The following COG1 variants were observed in gnomAD, a reference collection of about 807,000 sequenced individuals.
COG1 encodes component of oligomeric golgi complex 1.
COG1 carries 61 observed loss-of-function variants against 102.2 expected under a neutral mutation model. The ratio of observed to expected loss-of-function variants is 0.60; its 90% CI spans 0.49 to 0.74. The LOEUF (loss-of-function observed/expected upper bound fraction) is 0.74, where lower values mean the gene tolerates loss of function less well. COG1 is among the 30% of genes least tolerant of loss of function. The pLI is 0.00. For synonymous variants in COG1, 454 were observed against 493.6 expected (o/e 0.92, Z 1.06); for missense variants, 1,164 against 1,232.1 (o/e 0.94, Z 0.83).
chr17:73,197,107 TG>T (rs1175912390), intron 3 of COG1, 26 bp downstream of exon 3: 1 of 1,614,048 alleles, frequency 6.2e-7, no homozygotes, highest in Admixed American at 1.7e-5. Context: ...GGCCAACATT[TG>T]GTCCTTAAAT....
intron 7 of COG1, among the ~76,000 whole-genome samples, chr17:73,202,268 G>C (rs948735375): frequency 6.6e-6 from 1 of 152,194 alleles, no homozygotes; most frequent in Non-Finnish European, 1.5e-5. Context: ...GAACCCGGGA[G>C]GCAGAGCTTG....
In COG1 at chr17:73,201,038, C is replaced by A. The variant is rs185537858; in HGVS notation, c.1282-71C>A. The A allele has an allele frequency of 2.9e-6, 4 of 1,373,968 alleles. No homozygotes were observed. The Admixed American group carries it at 5.1e-5, about 17-fold the overall frequency. The allele number at this position is 1,373,968 out of a possible 1,614,324, so 85.1% of individuals were successfully genotyped here. A position where few individuals can be genotyped will look rare whatever the true frequency, so the allele number is the denominator to read the frequency against. On this transcript the variant is annotated intron_variant, in intron 6 of 13. Coordinates refer to ENST00000299886, the MANE Select transcript of COG1 (RefSeq NM_018714.3). ...CCTTCTGAATGCTAGGATAAATTAC[C>A]ATTTGGTACTTTTGTTTTGAAATGT...
Position 73,206,201 on chromosome 17 carries a change from A to C in COG1, c.2558A>C (p.Asp853Ala). 1.2e-6 allele frequency: 2 copies of C among 1,614,160 alleles called. No homozygotes were observed. Among genetic ancestry groups the C allele is most frequent in the Non-Finnish European group, 1.7e-6 (2 of 1,180,022 alleles). Reference sequence around the variant, plus strand: ...CTGGAAGCCCTCATTGATCCATTTGACCTGGACGTTTTCACGCCACACCTC... The same window carrying C: ...CTGGAAGCCCTCATTGATCCATTTGCCCTGGACGTTTTCACGCCACACCTC... ...DHLEALIDPF[D>A]LDVFTPHLNS... The change falls in exon 11 of 14, where the codon GAC (aspartate) becomes GCC (alanine). Residue 853 changes from aspartate to alanine, a missense_variant. Coordinates refer to ENST00000299886, the MANE Select transcript of COG1 (RefSeq NM_018714.3).
In COG1 at chr17:73,201,463, G is replaced by A. The variant is rs1248119603; in HGVS notation, c.1636G>A (p.Asp546Asn). The A allele has an allele frequency of 3.7e-6, 6 of 1,614,226 alleles. No individual in the cohort carries two copies. The highest frequency in any genetic ancestry group is 5.1e-6 in the Non-Finnish European group (6 of 1,180,046). The change falls in exon 7 of 14, where the codon GAC (aspartate) becomes AAC (asparagine). Residue 546 changes from aspartate (D) to asparagine (N), a missense_variant. Coordinates refer to ENST00000299886, the MANE Select transcript of COG1 (RefSeq NM_018714.3). ...LPSDDSSLPK[D>N]VSPTQAKSSA... ...CTCTGATGACTCATCACTGCCCAAG[G>A]ACGTTTCTCCCACACAGGCCAAGAG...
In COG1 at chr17:73,200,706, G is replaced by A. The variant is rs367823218; in HGVS notation, c.1211G>A (p.Arg404Gln). Residue 404 changes from arginine to glutamine, a missense_variant, in exon 6 of 14, where the codon CGG (arginine) becomes CAG (glutamine). Transcript: ENST00000299886. ...AATCACAGCTGGGATGTGCTATGTCGGCGGCTTCTGGAGAAGCCGCTCTTG... is the reference window on the plus strand; with the variant it reads ...AATCACAGCTGGGATGTGCTATGTCAGCGGCTTCTGGAGAAGCCGCTCTTG... ...STNHSWDVLC[R>Q]RLLEKPLLFW... 3.9e-5 allele frequency: 63 copies of A among 1,613,918 alleles called. No individual in the cohort carries two copies. Among genetic ancestry groups the A allele is most frequent in the Admixed American group, 6.7e-5 (4 of 59,990 alleles).
chr17:73,206,005 C>T, intron 10 of COG1, 149 bp from the exon 11 acceptor site: 2 of 744,126 alleles, frequency 2.7e-6, no homozygotes, highest in Non-Finnish European at 4.7e-6. Flanking sequence ...TTGAGGGTGA[C>T]TTAAGCACTA....
In COG1 at chr17:73,208,313, G is replaced by A; in HGVS notation, c.2806-1G>A. ...GCACTTTTCTCTACATCCAATGGCA[G>A]GTTGTCCCCCCGGCACGCTCCACAG... On this transcript the variant is annotated splice_acceptor_variant, in intron 13 of 13. Coordinates refer to ENST00000299886, the MANE Select transcript of COG1 (RefSeq NM_018714.3). LOFTEE classifies it high-confidence loss of function. 3 of 1,613,448 alleles carry A rather than the reference G, an allele frequency of 1.9e-6. No homozygotes were observed. Among genetic ancestry groups the A allele is most frequent in the Non-Finnish European group, 2.5e-6 (3 of 1,180,010 alleles).
At chr17:73,199,590 T>C (rs919975968) in intron 4 of COG1, among the ~76,000 whole-genome samples, 1 of 152,192 alleles carries the variant, frequency 6.6e-6, no homozygotes, top group African/African-American at 2.4e-5. Flanking sequence ...ATTTATTTTT[T>C]TGGAGACAGG....
At position 73,200,567 on chromosome 17, in the gene COG1, T is replaced by C. The variant is rs764745998; in HGVS notation, c.1072T>C (p.Cys358Arg). 6.2e-7 allele frequency: 1 copy of C among 1,613,690 alleles called. No individual in the cohort carries two copies. The highest frequency in any genetic ancestry group is 2.2e-5 in the East Asian group (1 of 44,860). ...KDTLQKWIHM[C>R]NEDIKNGITN... The stretch of plus-strand genomic sequence containing the variant: ...CCAAAGAACATGATTCTGTTGCAGG[T>C]GTAATGAAGACATTAAAAATGGGAT... The change falls in exon 6 of 14, where the codon TGT becomes CGT. Residue 358 changes from cysteine (C) to arginine (R), a missense_variant and splice_region_variant. Transcript: ENST00000299886.
At position 73,193,096 on chromosome 17, in the gene COG1, G is replaced by A; in HGVS notation, c.27G>A (p.Ala9=). Residue 9 remains alanine, a synonymous_variant, in exon 1 of 14, where the codon GCG becomes GCA. Coordinates refer to ENST00000299886, the MANE Select transcript of COG1 (RefSeq NM_018714.3). Reference sequence around the variant, plus strand: ...TGGCCACCGCGGCAACCTCACCCGCGCTGAAGCGGCTGGATCTGCGCGACC... The same window carrying A: ...TGGCCACCGCGGCAACCTCACCCGCACTGAAGCGGCTGGATCTGCGCGACC... The part of the protein sequence containing the change: MATAATSP[A]LKRLDLRDPA... The A allele has an allele frequency of 1.3e-6, 2 of 1,599,914 alleles. No homozygotes were observed. Among genetic ancestry groups the A allele is most frequent in the Non-Finnish European group, 1.7e-6 (2 of 1,172,086 alleles).
intron 1 of COG1, 74 bp downstream of exon 1, chr17:73,193,458 C>T: frequency 7.3e-7 from 1 of 1,360,868 alleles, no homozygotes; most frequent in South Asian, 1.7e-5. Flanking sequence ...TCAACCCCGC[C>T]CCCCTCTGTC....
At chr17:73,207,360 CA>C (rs775595514) in intron 13 of COG1, 104 bp downstream of exon 13, 1 of 1,040,834 alleles carries the variant, frequency 9.6e-7, no homozygotes, top group Non-Finnish European at 1.5e-6. Context: ...AACTGAATGA[CA>C]AAATGCACTA....
Position 73,193,202 on chromosome 17 carries a change from A to G in COG1, c.133A>G (p.Lys45Glu). The G allele has an allele frequency of 1.2e-6, 2 of 1,608,984 alleles. No homozygotes were observed. The highest frequency in any genetic ancestry group is 1.7e-6 in the Non-Finnish European group (2 of 1,178,150). The change falls in exon 1 of 14, where the codon AAG becomes GAG. Residue 45 changes from lysine to glutamate, a missense_variant. Physicochemically the swap from Lys to Glu is moderately conservative, Grantham distance 56. Coordinates refer to ENST00000299886, the MANE Select transcript of COG1 (RefSeq NM_018714.3). ...GGTTCGGGCCGAGATCGAGCACAAG[A>G]AGGAGGAGCTGCGGCAGATGGTGGG... ...RQVRAEIEHK[K>E]EELRQMVGER... is the part of the protein sequence containing the mutation.
chr17:73,205,275 G>T (rs1203433752), intron 9 of COG1: 3 of 433,746 alleles, frequency 6.9e-6, no homozygotes, highest in African/African-American at 2.0e-5. Flanking sequence ...TCTCCTTCAG[G>T]CAAGGAGCCT....
At chr17:73,194,124 T>C (rs888643299) in intron 1 of COG1, among the ~76,000 whole-genome samples, 6 of 152,070 alleles carry the variant, frequency 3.9e-5, no homozygotes, top group Non-Finnish European at 8.8e-5. Context: ...CATCCTCATA[T>C]TGGAGCTGCA....
intron 4 of COG1, 100 bp downstream of exon 4, chr17:73,197,496 A>G: frequency 2.3e-6 from 3 of 1,292,092 alleles, no homozygotes; most frequent in South Asian, 1.2e-5. Context: ...CTGGGGATGG[A>G]GCAGTGAACT....
chr17:73,207,701 G>A (rs1264990239), intron 13 of COG1: 12 of 1,292,402 alleles, frequency 9.3e-6, no homozygotes, highest in South Asian at 1.2e-5. Flanking sequence ...TTTCATTTCA[G>A]TACGATGCCA....
In COG1 at chr17:73,201,599, G is replaced by T; in HGVS notation, c.1772G>T (p.Ser591Ile). 1 of 1,614,224 alleles carries T rather than the reference G, an allele frequency of 6.2e-7. No individual in the cohort carries two copies. Among genetic ancestry groups the T allele is most frequent in the Non-Finnish European group, 8.5e-7 (1 of 1,180,040 alleles). ...GACTGCATCCGGGCAGAGCTACAGA[G>T]CATTGAAGAGGGTGTGCAAGGGCAA... ...IVDCIRAELQ[S>I]IEEGVQGQQD... The change falls in exon 7 of 14, where the codon AGC becomes ATC. Residue 591 changes from serine (S) to isoleucine (I), a missense_variant. Transcript: ENST00000299886.
At position 73,205,535 on chromosome 17, in the gene COG1, CT is replaced by C; in HGVS notation, c.2383-17del. 6.2e-7 allele frequency: 1 copy of C among 1,613,990 alleles called. No individual in the cohort carries two copies. The highest frequency in any genetic ancestry group is 1.1e-5 in the South Asian group (1 of 91,062). ...AGTCCTCTCTCTTCATGGGTGGGGA[CT>C]GGGAATTCATTTGCAGAAAGAAGGT... On this transcript the variant is annotated splice_polypyrimidine_tract_variant and intron_variant, in intron 9 of 13. Transcript: ENST00000299886.
Sources: gnomAD v4.1 joint callset for allele counts (sites outside exome capture counted in the v4.1 genomes callset) on GRCh38, gnomAD v4.1.1 for gene constraint, MANE v1.5 for transcripts, NCBI Gene and HGNC (gene_info 2026-07-23, HGNC 2026-07-21) for gene names.